Variants in GPC5 observed in about 807,000 individuals in gnomAD.
GPC5 encodes glypican 5, also known as glypican-5.
Under a neutral mutation model 53.9 loss-of-function variants are expected in GPC5, and 47 were observed. The observed-to-expected ratio is 0.87, with a 90% CI of 0.69 to 1.11. The LOEUF is 1.11. Ranked by LOEUF, GPC5 falls within the 50% of genes most tolerant of loss-of-function variation. The pLI is 0.00. For missense variants in GPC5, 748 were observed against 713.1 expected, an observed-to-expected ratio of 1.05 and a Z score of -0.56; for synonymous variants, 286 against 263.3, an observed-to-expected ratio of 1.09 and a Z score of -0.84.
At chr13:92,597,652 A>G (rs1181985118) in intron 7 of GPC5, among the ~76,000 whole-genome samples, 1 of 152,166 alleles carries the variant, frequency 6.6e-6, no homozygotes, top group African/African-American at 2.4e-5. Flanking sequence ...AACAAACTAG[A>G]TAGCATTTTT....
intron 5 of GPC5, among the ~76,000 whole-genome samples, chr13:91,800,795 C>T (rs1176047693): frequency 1.3e-5 from 2 of 151,936 alleles, no homozygotes; most frequent in East Asian, 3.9e-4. Flanking sequence ...AGTCTAGAGT[C>T]GCGTTTCTAT....
At position 91,756,950 on chromosome 13, in the gene GPC5, T is replaced by TTATA. The variant is rs139581229; in HGVS notation, c.1280+544_1280+547dup. ...AGACTATGTAATAGTGGGGGCACTTTTATATATATATATATATCTGTTTGA... is the reference window on the plus strand; with the variant it reads ...AGACTATGTAATAGTGGGGGCACTTTTATATATATATATATATATATCTGTTTGA... On this transcript the variant is annotated intron_variant, in intron 5 of 7. Coordinates refer to ENST00000377067, the MANE Select transcript of GPC5 (RefSeq NM_004466.6). 6.0e-3 allele frequency among the ~76,000 whole-genome samples: 899 copies of TTATA among 149,556 alleles called. 8 individuals are homozygous for TTATA. Among genetic ancestry groups the TTATA allele is most frequent in the African/African-American group, 0.02 (834 of 41,034 alleles).
intron 7 of GPC5, among the ~76,000 whole-genome samples, chr13:92,719,687 T>C (rs1323423706): frequency 2.6e-5 from 4 of 152,122 alleles, no homozygotes; most frequent in African/African-American, 4.8e-5. Context: ...ATCTTTTTCA[T>C]TGTGATAAAG....
intron 5 of GPC5, among the ~76,000 whole-genome samples, chr13:91,873,404 AC>A (rs1416284719): frequency 6.6e-6 from 1 of 151,844 alleles, no homozygotes; most frequent in Non-Finnish European, 1.5e-5. Context: ...TTGAATTGTA[AC>A]CCCCCACAAT....
At chr13:92,352,940 A>G (rs1238900923) in intron 7 of GPC5, among the ~76,000 whole-genome samples, 4 of 152,204 alleles carry the variant, frequency 2.6e-5, no homozygotes, top group African/African-American at 9.7e-5. Context: ...GGTGCTGTTC[A>G]CAATAGCAAA....
rs536381001 is a variant in GPC5, at chr13:91,496,194, G to A, written c.325+47272G>A. ...AAAGCTTAAAAGTAAAATTATAAAC[G>A]ATTTCAACATATGTGTTCTAGGAAT... On this transcript the variant is annotated intron_variant, in intron 2 of 7. Transcript: ENST00000377067. 5.9e-5 allele frequency among the ~76,000 whole-genome samples: 9 copies of A among 152,224 alleles called. No homozygotes were observed. In the East Asian group the frequency reaches 1.7e-3, roughly 29 times the overall value.
At chr13:91,524,716 A>T (rs1159478980) in intron 2 of GPC5, among the ~76,000 whole-genome samples, 1 of 152,126 alleles carries the variant, frequency 6.6e-6, no homozygotes, top group Non-Finnish European at 1.5e-5. Context: ...CCCCTGACTG[A>T]TAGGAGCTGA....
At chr13:92,409,901 T>A (rs1043700636) in intron 7 of GPC5, among the ~76,000 whole-genome samples, 6 of 152,116 alleles carry the variant, frequency 3.9e-5, no homozygotes, top group African/African-American at 1.4e-4. Context: ...AGATACGACT[T>A]TAAGGAGAAG....
At chr13:91,906,260 G>A (rs1374505832) in intron 5 of GPC5, among the ~76,000 whole-genome samples, 1 of 151,834 alleles carries the variant, frequency 6.6e-6, no homozygotes, top group Non-Finnish European at 1.5e-5. Context: ...TGAAGTTCTC[G>A]TTAACCATAC....
chr13:91,873,163 A>T (rs2039165907), intron 5 of GPC5, among the ~76,000 whole-genome samples: 1 of 152,224 alleles, frequency 6.6e-6, no homozygotes, highest in South Asian at 2.1e-4. Flanking sequence ...GAACTGTTTT[A>T]TAAGCATAAA....
chr13:91,924,128 A>C (rs940014352), intron 6 of GPC5, among the ~76,000 whole-genome samples: 1 of 152,202 alleles, frequency 6.6e-6, no homozygotes, highest in African/African-American at 2.4e-5. Flanking sequence ...AAAATATTTG[A>C]TGTGCACTCT....
chr13:91,440,739 T>G (rs1306819446), intron 1 of GPC5, among the ~76,000 whole-genome samples: 1 of 152,220 alleles, frequency 6.6e-6, no homozygotes, highest in East Asian at 1.9e-4. Flanking sequence ...TATGTTTGTC[T>G]TAGGAGTAAT....
rs2041821141 is a variant in GPC5 at position 92,140,350 on chromosome 13, G to A, written c.1402-4480G>A. Among the ~76,000 whole-genome samples, 2 of 152,070 alleles carry A rather than the reference G, an allele frequency of 1.3e-5. 1 individual carries two copies. The highest frequency in any genetic ancestry group is 2.9e-5 in the Non-Finnish European group (2 of 68,020). The stretch of plus-strand genomic sequence containing the variant: ...TACATAATATGGAACCTTGACTTCT[G>A]GGCCAAATTTGAACTTTTTTCTTGG... On this transcript the variant is annotated intron_variant, in intron 6 of 7. Coordinates refer to ENST00000377067, the MANE Select transcript of GPC5 (RefSeq NM_004466.6).
At chr13:91,821,009 C>A (rs1402612092) in intron 5 of GPC5, among the ~76,000 whole-genome samples, 1 of 151,734 alleles carries the variant, frequency 6.6e-6, no homozygotes, top group Non-Finnish European at 1.5e-5. Context: ...GAATGTACTT[C>A]CAGATAAATT....
chr13:92,838,301 C>T (rs925586585), intron 7 of GPC5, among the ~76,000 whole-genome samples: 2 of 150,962 alleles, frequency 1.3e-5, no homozygotes, highest in African/African-American at 2.4e-5. Flanking sequence ...TGGCTAACAC[C>T]GTGAAACCCC....
intron 2 of GPC5, among the ~76,000 whole-genome samples, chr13:91,545,551 A>G (rs1215345448): frequency 6.6e-6 from 1 of 152,148 alleles, no homozygotes; most frequent in Non-Finnish European, 1.5e-5. Flanking sequence ...TGTGGTGAGA[A>G]CACTTAATAC....
chr13:91,419,647 C>T (rs1263306737), intron 1 of GPC5, among the ~76,000 whole-genome samples: 6 of 152,050 alleles, frequency 3.9e-5, no homozygotes, highest in African/African-American at 9.7e-5. Context: ...TTGTGGTTAT[C>T]GTGGCCAGGA....
At chr13:92,537,797 C>T (rs376051090) in intron 7 of GPC5, among the ~76,000 whole-genome samples, 26 of 152,166 alleles carry the variant, frequency 1.7e-4, no homozygotes, top group East Asian at 1.2e-3. Flanking sequence ...ACAAAGTTGA[C>T]GCTAGTTGCA....
At chr13:92,628,260 C>CTTTTTTTTTTTTTTTTTTTTTTTTTT (rs1286424637) in intron 7 of GPC5, among the ~76,000 whole-genome samples, 3 of 37,550 alleles carry the variant, frequency 8.0e-5, no homozygotes, top group African/African-American at 2.5e-4. Flanking sequence ...TTTTCTTTTT[C>CTTTTTTTTTTTTTTTTTTTTTTTTTT]TTTCTTTTTT....
Sources: gnomAD v4.1 joint callset for allele counts (sites outside exome capture counted in the v4.1 genomes callset) on GRCh38, gnomAD v4.1.1 for gene constraint, MANE v1.5 for transcripts, NCBI Gene and HGNC (gene_info 2026-07-23, HGNC 2026-07-21) for gene names.